The following NTRK2 variants were observed in gnomAD, a reference collection of about 807,000 sequenced individuals.
NTRK2 encodes the protein neurotrophic receptor tyrosine kinase 2, also known as BDNF/NT-3 growth factors receptor.
In NTRK2, 13 loss-of-function variants were observed where a neutral mutation model predicts 94.5. The ratio of observed to expected loss-of-function variants is 0.14; its 90% CI spans 0.09 to 0.22. NTRK2 has a LOEUF of 0.22. NTRK2 is among the 10% of genes least tolerant of loss of function. NTRK2 has a pLI of 1.00. For synonymous variants in NTRK2, 372 were observed against 407.4 expected (o/e 0.91, Z 1.05); for missense variants, 639 against 1,071.2 (o/e 0.60, Z 5.63).
At chr9:84,689,218 G>T (rs1236937063) in intron 2 of NTRK2, among the ~76,000 whole-genome samples, 1 of 152,252 alleles carries the variant, frequency 6.6e-6, no homozygotes, top group Non-Finnish European at 1.5e-5. Flanking sequence ...GCATGACACT[G>T]AACAGCCTGA....
intron 2 of NTRK2, among the ~76,000 whole-genome samples, 200 bp downstream of exon 2, chr9:84,671,160 G>A (rs1033588114): frequency 6.6e-6 from 1 of 152,158 alleles, no homozygotes; most frequent in Non-Finnish European, 1.5e-5. Flanking sequence ...TGACACTTTA[G>A]AATAAGTTTC....
intron 12 of NTRK2, among the ~76,000 whole-genome samples, chr9:84,792,820 T>C (rs952903222): frequency 2.0e-5 from 2 of 98,844 alleles, no homozygotes; most frequent in African/African-American, 5.3e-5. Context: ...AAATGAAGAC[T>C]TAAAACTCTG....
At chr9:84,845,909 A>C (rs1386825383) in intron 12 of NTRK2, among the ~76,000 whole-genome samples, 1 of 151,898 alleles carries the variant, frequency 6.6e-6, no homozygotes, top group African/African-American at 2.4e-5. Flanking sequence ...CCTGTACTCC[A>C]AAAACTATTA....
intron 14 of NTRK2, among the ~76,000 whole-genome samples, chr9:84,923,969 T>C (rs959038201): frequency 2.7e-5 from 4 of 150,040 alleles, no homozygotes; most frequent in African/African-American, 4.9e-5. Flanking sequence ...CTAGTTTAAA[T>C]TGTTGAAGGA....
chr9:84,926,309 T>C (rs1461499647), intron 14 of NTRK2, among the ~76,000 whole-genome samples: 2 of 151,780 alleles, frequency 1.3e-5, no homozygotes, highest in Non-Finnish European at 2.9e-5. Context: ...CTCAGCTCAA[T>C]GCAACCTCTC....
chr9:84,784,266 A>T (rs766218668), intron 12 of NTRK2, among the ~76,000 whole-genome samples: 9 of 152,222 alleles, frequency 5.9e-5, no homozygotes, highest in Non-Finnish European at 1.3e-4. Flanking sequence ...GTGATGCGTG[A>T]TACAAATAAT....
chr9:84,995,118 C>G (rs1341724855), intron 17 of NTRK2, among the ~76,000 whole-genome samples: 8 of 152,164 alleles, frequency 5.3e-5, no homozygotes, highest in Admixed American at 5.2e-4. Context: ...AGTAAATGTT[C>G]TCCCCTTCTG....
At chr9:84,750,486 ATTG>A (rs1035458818) in intron 11 of NTRK2, among the ~76,000 whole-genome samples, 4 of 152,242 alleles carry the variant, frequency 2.6e-5, no homozygotes, top group African/African-American at 9.6e-5. Context: ...CATCTTAAAA[ATTG>A]TTGTGCAGAT....
chr9:84,946,429 G>T (rs902797585), intron 15 of NTRK2, among the ~76,000 whole-genome samples: 1 of 152,186 alleles, frequency 6.6e-6, no homozygotes, highest in Non-Finnish European at 1.5e-5. Flanking sequence ...ATAGTTCCTG[G>T]GTCAAGAAGC....
chr9:84,924,331 G>A (rs1398094198), intron 14 of NTRK2, among the ~76,000 whole-genome samples: 1 of 152,224 alleles, frequency 6.6e-6, no homozygotes, highest in Non-Finnish European at 1.5e-5. Flanking sequence ...CAGTGTGGGA[G>A]GTACAAGGGT....
chr9:84,949,010 A>G (rs1415958805), intron 16 of NTRK2, among the ~76,000 whole-genome samples: 2 of 152,196 alleles, frequency 1.3e-5, no homozygotes, highest in African/African-American at 4.8e-5. Flanking sequence ...AGGTGTCACA[A>G]TGGAAATTGC....
chr9:84,839,114 C>A (rs2131756481), intron 12 of NTRK2, among the ~76,000 whole-genome samples: 1 of 152,272 alleles, frequency 6.6e-6, no homozygotes, highest in South Asian at 2.1e-4. Context: ...TATTACCACC[C>A]ATTTGTGGTT....
chr9:84,815,518 G>GTTTTTT, intron 12 of NTRK2: 3 of 941,136 alleles, frequency 3.2e-6, no homozygotes, highest in African/African-American at 3.8e-5. Flanking sequence ...CTCATGCCCT[G>GTTTTTT]TTTTTTTTTT....
intron 2 of NTRK2, among the ~76,000 whole-genome samples, chr9:84,694,774 T>C (rs1477163228): frequency 1.3e-5 from 2 of 152,198 alleles, no homozygotes; most frequent in Admixed American, 6.5e-5. Context: ...TTATCAAATC[T>C]AATCTATCAA....
At chr9:84,906,124 T>C (rs759593977) in intron 14 of NTRK2, among the ~76,000 whole-genome samples, 2 of 151,976 alleles carry the variant, frequency 1.3e-5, no homozygotes, top group African/African-American at 2.4e-5. Flanking sequence ...GAAATCCCTA[T>C]GGAAGGGAGA....
intron 12 of NTRK2, 67 bp from the exon 13 acceptor site, chr9:84,860,973 A>G: frequency 8.9e-7 from 1 of 1,121,258 alleles, no homozygotes; most frequent in Non-Finnish European, 1.4e-6. Context: ...GACCAAGGAC[A>G]GTGTTGACCA....
chr9:84,774,120 A>G (rs972363956), intron 12 of NTRK2, among the ~76,000 whole-genome samples: 1 of 151,970 alleles, frequency 6.6e-6, no homozygotes, highest in Non-Finnish European at 1.5e-5. Flanking sequence ...TCTCTCCCTC[A>G]TTCATTTGGC....
intron 12 of NTRK2, among the ~76,000 whole-genome samples, chr9:84,788,690 G>T (rs1376450775): frequency 1.1e-4 from 16 of 152,256 alleles, no homozygotes; most frequent in African/African-American, 3.6e-4. Context: ...GACACAGCAT[G>T]CATGAGGAGG....
intron 12 of NTRK2, among the ~76,000 whole-genome samples, chr9:84,807,062 T>G (rs531229376): frequency 6.6e-6 from 1 of 152,326 alleles, no homozygotes; most frequent in Non-Finnish European, 1.5e-5. Flanking sequence ...TAAGATTTGC[T>G]TTTTTAGATA....
Sources: allele counts gnomAD v4.1 joint callset (sites outside exome capture counted in the v4.1 genomes callset), GRCh38; gene constraint gnomAD v4.1.1; transcripts MANE v1.5; gene names NCBI Gene and HGNC (gene_info 2026-07-23, HGNC 2026-07-21).